The following MARCHF8 variants were observed in gnomAD, a reference collection of about 807,000 sequenced individuals.
MARCHF8 encodes membrane associated ring-CH-type finger 8.
Under a neutral mutation model 51.6 loss-of-function variants are expected in MARCHF8, and 40 were observed. That is an observed-to-expected ratio of 0.77 (90% confidence interval 0.60 to 1.01). MARCHF8 has a LOEUF of 1.01. Ranked by LOEUF, MARCHF8 falls within the 50% of genes least tolerant of loss-of-function variation. The probability of loss-of-function intolerance (pLI) is 0.00; values close to 1 mark genes in which losing one functional copy is unlikely to be tolerated. For synonymous variants in MARCHF8, 263 were observed against 280.3 expected (o/e 0.94, Z 0.62); for missense variants, 685 against 708.6 (o/e 0.97, Z 0.38).
At chr10:45,484,315 G>T (rs1263025240) in intron 3 of MARCHF8, among the ~76,000 whole-genome samples, 1 of 152,242 alleles carries the variant, frequency 6.6e-6, no homozygotes, top group African/African-American at 2.4e-5. Context: ...AGGACTGAGT[G>T]TGGATGGGGC....
chr10:45,515,619 T>G (rs1195137674), intron 2 of MARCHF8, among the ~76,000 whole-genome samples: 1 of 152,162 alleles, frequency 6.6e-6, no homozygotes, highest in Non-Finnish European at 1.5e-5. Flanking sequence ...AATGATTTCT[T>G]CCAGTACAGA....
chr10:45,469,618 C>T lies in MARCHF8; in HGVS notation c.154-5291G>A, dbSNP rs770643556. On this transcript the variant is annotated intron_variant, in intron 3 of 7. Coordinates refer to ENST00000453424, the MANE Select transcript of MARCHF8 (RefSeq NM_001282866.2). ...CGGTGGCTCACGCCTGTAATCCCAG[C>T]ACTTTGGGGGGCCGAGGCGGGCGGA... 1.1e-3 allele frequency among the ~76,000 whole-genome samples: 170 copies of T among 152,236 alleles called. 1 individual carries two copies. Among genetic ancestry groups the T allele is most frequent in the Non-Finnish European group, 1.3e-3 (90 of 68,012 alleles).
chr10:45,566,535 G>A (rs1302303399), intron 1 of MARCHF8, among the ~76,000 whole-genome samples: 3 of 152,074 alleles, frequency 2.0e-5, no homozygotes, highest in Non-Finnish European at 4.4e-5. Context: ...TTGTCTTTCT[G>A]TGCCTGGCTT....
intron 2 of MARCHF8, among the ~76,000 whole-genome samples, chr10:45,496,937 T>C (rs565536052): frequency 2.6e-5 from 4 of 151,840 alleles, no homozygotes; most frequent in Admixed American, 2.0e-4. Flanking sequence ...GCAAGACACA[T>C]AGAAAACAAA....
intron 3 of MARCHF8, among the ~76,000 whole-genome samples, chr10:45,479,467 G>T (rs2042846710): frequency 6.6e-6 from 1 of 152,154 alleles, no homozygotes; most frequent in African/African-American, 2.4e-5. Context: ...ATATGATTTG[G>T]CTGTGTCCCC....
intron 2 of MARCHF8, among the ~76,000 whole-genome samples, chr10:45,496,427 C>G (rs914428298): frequency 6.6e-6 from 1 of 151,868 alleles, no homozygotes; most frequent in African/African-American, 2.4e-5. Context: ...TCAGACGAAA[C>G]AGAATTCAGA....
upstream of MARCHF8, among the ~76,000 whole-genome samples, chr10:45,537,510 G>A (rs151267157): frequency 4.6e-5 from 7 of 152,084 alleles, no homozygotes; most frequent in South Asian, 2.1e-4. Context: ...AAACTTAGCC[G>A]GGTGTGGTGG....
At chr10:45,590,583 A>G (rs1313379275) in intron 1 of MARCHF8, among the ~76,000 whole-genome samples, 1 of 152,248 alleles carries the variant, frequency 6.6e-6, no homozygotes, top group African/African-American at 2.4e-5. Flanking sequence ...ACCTTTGAAG[A>G]AAAACATGGA....
intron 1 of MARCHF8, among the ~76,000 whole-genome samples, chr10:45,547,702 T>C (rs1306944937): frequency 6.6e-6 from 1 of 152,132 alleles, no homozygotes; most frequent in Non-Finnish European, 1.5e-5. Context: ...GTCTTTGTTG[T>C]AGTAAAGAAG....
intron 3 of MARCHF8, among the ~76,000 whole-genome samples, chr10:45,479,496 A>G (rs190408622): frequency 1.4e-4 from 21 of 152,316 alleles, no homozygotes; most frequent in East Asian, 1.9e-4. Context: ...CTCATCTTCA[A>G]TTGTGGCTCC....
At chr10:45,587,068 C>T (rs35916836) in intron 1 of MARCHF8, among the ~76,000 whole-genome samples, 9,400 of 152,206 alleles carry the variant, frequency 0.062, 332 homozygotes, top group Non-Finnish European at 0.067. Flanking sequence ...TCTGCTCTCA[C>T]CACTTCTATC....
intron 1 of MARCHF8, among the ~76,000 whole-genome samples, chr10:45,561,560 C>A (rs1271557027): frequency 6.6e-6 from 1 of 151,362 alleles, no homozygotes; most frequent in Non-Finnish European, 1.5e-5. Flanking sequence ...AGGCGTGAGC[C>A]ACCACGCCCA....
At chr10:45,458,880 G>A (rs914327935) in intron 7 of MARCHF8, among the ~76,000 whole-genome samples, 4 of 152,212 alleles carry the variant, frequency 2.6e-5, no homozygotes, top group African/African-American at 9.7e-5. Context: ...GCTACTTCCT[G>A]CTTTTATAGG....
intron 1 of MARCHF8, among the ~76,000 whole-genome samples, chr10:45,580,166 G>A (rs536149496): frequency 3.1e-4 from 47 of 151,972 alleles, no homozygotes; most frequent in African/African-American, 2.7e-4. Flanking sequence ...AAACAATAGC[G>A]AAATCATTAC....
At chr10:45,499,720 C>T (rs2043243590) in intron 2 of MARCHF8, among the ~76,000 whole-genome samples, 2 of 152,126 alleles carry the variant, frequency 1.3e-5, no homozygotes. Flanking sequence ...GTCTCGGCGC[C>T]ATTGTGGGAA....
intron 1 of MARCHF8, among the ~76,000 whole-genome samples, chr10:45,552,189 G>C (rs1249468848): frequency 1.3e-5 from 2 of 151,734 alleles, no homozygotes; most frequent in Admixed American, 1.3e-4. Context: ...ACATACTAAA[G>C]AAGGTGAAAG....
chr10:45,466,427 T>C (rs1207550575), intron 3 of MARCHF8, among the ~76,000 whole-genome samples: 1 of 152,220 alleles, frequency 6.6e-6, no homozygotes, highest in Non-Finnish European at 1.5e-5. Context: ...CTTCATCACC[T>C]GTCCCCAGGT....
At chr10:45,564,819 A>G (rs2044346934) in intron 1 of MARCHF8, among the ~76,000 whole-genome samples, 1 of 152,088 alleles carries the variant, frequency 6.6e-6, no homozygotes, top group Non-Finnish European at 1.5e-5. Context: ...AGAAGCCAGG[A>G]AGTAATGCAA....
intron 2 of MARCHF8, among the ~76,000 whole-genome samples, chr10:45,522,167 T>C (rs940029995): frequency 4.6e-5 from 7 of 152,224 alleles, no homozygotes; most frequent in African/African-American, 9.6e-5. Flanking sequence ...TGCATATTAA[T>C]TTAATAAAAT....
Sources: gnomAD v4.1 joint callset for allele counts (sites outside exome capture counted in the v4.1 genomes callset) on GRCh38, gnomAD v4.1.1 for gene constraint, MANE v1.5 for transcripts, NCBI Gene and HGNC (gene_info 2026-07-23, HGNC 2026-07-21) for gene names.